PRKCE: variants seen among roughly 807,000 people sequenced by gnomAD.
The protein encoded by PRKCE is protein kinase C epsilon.
A neutral mutation model predicts 85.4 loss-of-function variants in PRKCE; 16 were observed. The observed-to-expected ratio is 0.19, with a 90% confidence interval of 0.13 to 0.28. The LOEUF is 0.28. Ranked by LOEUF, PRKCE falls within the 10% of genes least tolerant of loss-of-function variation. The pLI, the probability that PRKCE is intolerant of heterozygous loss-of-function variation, is 1.00. For synonymous variants in PRKCE, 388 were observed against 371.5 expected, an observed-to-expected ratio of 1.04 and a Z score of -0.51; for missense variants, 573 against 975.2, an observed-to-expected ratio of 0.59 and a Z score of 5.49.
At chr2:45,744,702 G>C (rs543815532) in intron 1 of PRKCE, among the ~76,000 whole-genome samples, 109 of 151,698 alleles carry the variant, frequency 7.2e-4, no homozygotes, top group Non-Finnish European at 1.3e-3. Context: ...TCCGTCTCCA[G>C]AGCTCAAGCG....
chr2:45,849,394 C>A (rs557506573), intron 2 of PRKCE, among the ~76,000 whole-genome samples: 1 of 152,238 alleles, frequency 6.6e-6, no homozygotes, highest in East Asian at 1.9e-4. Context: ...TCATAGAGTC[C>A]CATAGCAATC....
At chr2:46,141,045 C>T (rs914408436) in intron 11 of PRKCE, among the ~76,000 whole-genome samples, 4 of 152,034 alleles carry the variant, frequency 2.6e-5, no homozygotes, top group Non-Finnish European at 5.9e-5. Flanking sequence ...TGCTGATGGA[C>T]GTATAAATTG....
At chr2:45,796,154 A>G (rs1443540013) in intron 1 of PRKCE, among the ~76,000 whole-genome samples, 2 of 152,116 alleles carry the variant, frequency 1.3e-5, no homozygotes, top group African/African-American at 4.8e-5. Context: ...TGTCTTCTCC[A>G]GGTTCTCCAT....
chr2:45,905,968 A>T lies in PRKCE; in HGVS notation c.412+62905A>T, dbSNP rs2103772593. On this transcript the variant is annotated intron_variant, in intron 2 of 14. Coordinates refer to ENST00000306156, the MANE Select transcript of PRKCE (RefSeq NM_005400.3). This position sits in a 1 kb window ranked among gnomAD's most constrained non-coding sequence, Gnocchi z 4.4. ...GGGCCGGGGTGGGCAGGCTATCTTC[A>T]GCGGTGATGCGCTTTCAACCCTCCT... is the stretch of plus-strand genomic sequence containing the variant. 6.6e-6 allele frequency among the ~76,000 whole-genome samples: 1 copy of T among 152,316 alleles called. No individual in the cohort carries two copies. Among genetic ancestry groups the T allele is most frequent in the Middle Eastern group, 3.4e-3 (1 of 294 alleles).
chr2:45,961,225 C>G (rs957095027), intron 2 of PRKCE, among the ~76,000 whole-genome samples: 1 of 152,026 alleles, frequency 6.6e-6, no homozygotes, highest in African/African-American at 2.4e-5. Flanking sequence ...AGTCACAATA[C>G]CTACCTCCTT....
At chr2:46,045,119 T>G (rs1558388944) in intron 10 of PRKCE, among the ~76,000 whole-genome samples, 2 of 152,346 alleles carry the variant, frequency 1.3e-5, no homozygotes, top group South Asian at 4.1e-4. Context: ...CATTTTTACT[T>G]TAATGAAACA....
At chr2:45,739,776 A>T (rs1682397387) in intron 1 of PRKCE, among the ~76,000 whole-genome samples, 1 of 152,148 alleles carries the variant, frequency 6.6e-6, no homozygotes, top group African/African-American at 2.4e-5. Context: ...GGTGGTGGTT[A>T]CAAGACTGTA....
chr2:46,081,370 A>G (rs1299207647), intron 10 of PRKCE, among the ~76,000 whole-genome samples: 1 of 152,252 alleles, frequency 6.6e-6, no homozygotes, highest in Non-Finnish European at 1.5e-5. Flanking sequence ...AAAAGAGATT[A>G]TAACAACTTC....
intron 1 of PRKCE, among the ~76,000 whole-genome samples, chr2:45,764,062 C>T (rs1300285510): frequency 3.3e-5 from 5 of 152,308 alleles, no homozygotes; most frequent in Middle Eastern, 3.4e-3. Context: ...TCCTGAACTG[C>T]GATCCCTTGG....
intron 2 of PRKCE, among the ~76,000 whole-genome samples, chr2:45,917,665 C>T (rs867630306): frequency 3.7e-4 from 57 of 152,364 alleles, no homozygotes; most frequent in Middle Eastern, 3.4e-3. Context: ...CCGTGCCATG[C>T]GCCCGCACTC....
At chr2:46,009,120 C>T (rs1192784422) in intron 9 of PRKCE, among the ~76,000 whole-genome samples, 1 of 152,134 alleles carries the variant, frequency 6.6e-6, no homozygotes. Flanking sequence ...GATAGGAACA[C>T]TTTAAGAACA....
chr2:46,085,520 CT>C (rs201063193), intron 10 of PRKCE, among the ~76,000 whole-genome samples: 2,167 of 152,238 alleles, frequency 0.014, 65 homozygotes, highest in East Asian at 0.079. Flanking sequence ...CGCTCCTTGC[CT>C]CTTCCAGCTT....
At chr2:45,949,723 A>G (rs953005446) in intron 2 of PRKCE, among the ~76,000 whole-genome samples, 3 of 152,056 alleles carry the variant, frequency 2.0e-5, no homozygotes, top group African/African-American at 4.8e-5. Context: ...CAGTTTGACA[A>G]CCATGGACCT....
At chr2:45,942,937 A>G (rs932474333) in intron 2 of PRKCE, among the ~76,000 whole-genome samples, 26 of 151,794 alleles carry the variant, frequency 1.7e-4, no homozygotes, top group African/African-American at 5.8e-4. Context: ...TGTCCCCCCA[A>G]CCTCTTATTC....
chr2:46,046,125 C>T (rs556906216), intron 10 of PRKCE, among the ~76,000 whole-genome samples: 1 of 152,214 alleles, frequency 6.6e-6, no homozygotes, highest in Non-Finnish European at 1.5e-5. Context: ...AGTGCCCCTG[C>T]TTACCCAGTG....
At chr2:45,847,845 A>G (rs1691923185) in intron 2 of PRKCE, among the ~76,000 whole-genome samples, 1 of 152,242 alleles carries the variant, frequency 6.6e-6, no homozygotes, top group Non-Finnish European at 1.5e-5. Context: ...CTCCTTCATA[A>G]ATAAGCAGAT....
At chr2:46,003,771 A>T (rs747991195) in intron 7 of PRKCE, among the ~76,000 whole-genome samples, 1 of 152,218 alleles carries the variant, frequency 6.6e-6, no homozygotes, top group African/African-American at 2.4e-5. Context: ...TTGTATTTGG[A>T]TAGAATTAAA....
intron 2 of PRKCE, among the ~76,000 whole-genome samples, chr2:45,946,734 C>A (rs1434840933): frequency 6.6e-6 from 1 of 152,208 alleles, no homozygotes; most frequent in East Asian, 1.9e-4. Context: ...AATAGCTCCC[C>A]TGCCTGCCCC....
intron 10 of PRKCE, among the ~76,000 whole-genome samples, chr2:46,043,015 T>C (rs1708303799): frequency 6.6e-6 from 1 of 152,232 alleles, no homozygotes. Flanking sequence ...TTGTTTTGTT[T>C]TGTAACTTCA....
Sources: allele counts gnomAD v4.1 joint callset (sites outside exome capture counted in the v4.1 genomes callset), GRCh38; gene constraint gnomAD v4.1.1; non-coding constraint Gnocchi (gnomAD v3.1); transcripts MANE v1.5; gene names NCBI Gene and HGNC (gene_info 2026-07-23, HGNC 2026-07-21).